ADAMTSL1: variants seen among roughly 807,000 people sequenced by gnomAD.
The protein encoded by ADAMTSL1 is ADAMTS-like protein 1.
ADAMTSL1 carries 126 observed loss-of-function variants against 201.8 expected under a neutral mutation model. That is an observed-to-expected ratio of 0.62 (90% CI 0.54 to 0.72). ADAMTSL1 has a LOEUF of 0.72. Ranked by LOEUF, ADAMTSL1 falls within the 30% of genes least tolerant of loss-of-function variation. The pLI is 0.00. For synonymous variants in ADAMTSL1, 1,121 were observed against 903.4 expected (o/e 1.24, Z -4.32); for missense variants, 2,679 against 2,277.8 (o/e 1.18, Z -3.59).
intron 1 of ADAMTSL1, among the ~76,000 whole-genome samples, chr9:17,954,612 A>G (rs1194477968): frequency 6.6e-6 from 1 of 152,196 alleles, no homozygotes; most frequent in Admixed American, 6.5e-5. Flanking sequence ...TTGGTGAGGC[A>G]TGGAAGGAAT....
At chr9:18,641,378 CACA>C (rs1827425428) in intron 7 of ADAMTSL1, among the ~76,000 whole-genome samples, 2 of 152,188 alleles carry the variant, frequency 1.3e-5, no homozygotes, top group South Asian at 4.1e-4. Context: ...ATTTTTGCCA[CACA>C]ACAATTGTTT....
chr9:18,168,534 A>G (rs1827739032), intron 2 of ADAMTSL1, among the ~76,000 whole-genome samples: 2 of 151,788 alleles, frequency 1.3e-5, no homozygotes, highest in Admixed American at 6.6e-5. Context: ...ATTGTTGGAC[A>G]TTTGGGTTGG....
chr9:18,630,864 C>G (rs1434936333), intron 5 of ADAMTSL1, among the ~76,000 whole-genome samples: 1 of 152,154 alleles, frequency 6.6e-6, no homozygotes, highest in Non-Finnish European at 1.5e-5. Flanking sequence ...CAGTTAAGCA[C>G]CTGTAATTCT....
At chr9:18,785,864 C>T (rs1308746721) in intron 19 of ADAMTSL1, among the ~76,000 whole-genome samples, 5 of 152,200 alleles carry the variant, frequency 3.3e-5, no homozygotes, top group African/African-American at 1.2e-4. Context: ...AAAATTGGCA[C>T]TGCACATTGG....
At chr9:18,489,014 A>C (rs1822134491) in intron 1 of ADAMTSL1, among the ~76,000 whole-genome samples, 1 of 152,180 alleles carries the variant, frequency 6.6e-6, no homozygotes, top group African/African-American at 2.4e-5. Flanking sequence ...CTTCTGCATA[A>C]AAATCACCTC....
At chr9:18,775,429 A>G (rs1820918726) in intron 17 of ADAMTSL1, among the ~76,000 whole-genome samples, 1 of 152,226 alleles carries the variant, frequency 6.6e-6, no homozygotes, top group Non-Finnish European at 1.5e-5. Context: ...AGAGAATTTA[A>G]GTAACTTGCC....
intron 2 of ADAMTSL1, among the ~76,000 whole-genome samples, chr9:18,450,197 G>A (rs1820350418): frequency 6.6e-6 from 1 of 152,144 alleles, no homozygotes; most frequent in Admixed American, 6.6e-5. Context: ...GTGATAAAAA[G>A]TGGAGCTGGC....
At chr9:18,535,553 C>T (rs1450748210) in intron 3 of ADAMTSL1, among the ~76,000 whole-genome samples, 4 of 152,184 alleles carry the variant, frequency 2.6e-5, no homozygotes, top group African/African-American at 7.2e-5. Flanking sequence ...TTTCAAGTAT[C>T]CTTATAGCAG....
At chr9:18,029,437 A>G (rs1004231644) in intron 1 of ADAMTSL1, among the ~76,000 whole-genome samples, 6 of 152,210 alleles carry the variant, frequency 3.9e-5, no homozygotes, top group African/African-American at 1.2e-4. Flanking sequence ...CTAAAACCAT[A>G]AAAACCCTAG....
chr9:18,076,397 C>A (rs1823226764), intron 1 of ADAMTSL1, among the ~76,000 whole-genome samples: 1 of 152,152 alleles, frequency 6.6e-6, no homozygotes, highest in African/African-American at 2.4e-5. Context: ...ATTTAAGACA[C>A]TTAAAACTTG....
At chr9:18,063,222 G>C (rs1199455037) in intron 1 of ADAMTSL1, among the ~76,000 whole-genome samples, 1 of 152,118 alleles carries the variant, frequency 6.6e-6, no homozygotes. Context: ...GGTGGTGTCT[G>C]CCTATAGTTT....
At chr9:18,192,705 A>C (rs984501575) in intron 2 of ADAMTSL1, among the ~76,000 whole-genome samples, 9 of 152,122 alleles carry the variant, frequency 5.9e-5, no homozygotes, top group African/African-American at 1.9e-4. Flanking sequence ...CTCAAAAAAC[A>C]TTTACAGTAC....
intron 2 of ADAMTSL1, among the ~76,000 whole-genome samples, chr9:18,212,054 A>T (rs551737252): frequency 5.9e-5 from 9 of 152,332 alleles, no homozygotes; most frequent in African/African-American, 2.2e-4. Flanking sequence ...AGCAGTTAAG[A>T]GAAGAAACAA....
chr9:18,298,128 A>C (rs932669345), intron 2 of ADAMTSL1, among the ~76,000 whole-genome samples: 8 of 152,208 alleles, frequency 5.3e-5, no homozygotes, highest in Non-Finnish European at 1.5e-5. Flanking sequence ...GGAAAAGTAA[A>C]GAGACAGAAT....
intron 2 of ADAMTSL1, among the ~76,000 whole-genome samples, chr9:18,522,227 C>T: frequency 6.6e-6 from 1 of 152,096 alleles, no homozygotes; most frequent in East Asian, 1.9e-4. Context: ...TCATCCCTAA[C>T]CCATACCTCA....
intron 1 of ADAMTSL1, among the ~76,000 whole-genome samples, chr9:18,052,554 C>A (rs1821985572): frequency 6.6e-6 from 1 of 152,152 alleles, no homozygotes; most frequent in African/African-American, 2.4e-5. Flanking sequence ...TGCTTGGCAG[C>A]TCTGTGCCTC....
At chr9:18,551,707 G>T (rs142351770) in intron 3 of ADAMTSL1, among the ~76,000 whole-genome samples, 1 of 151,768 alleles carries the variant, frequency 6.6e-6, no homozygotes, top group Non-Finnish European at 1.5e-5. Context: ...GCAAAATGAG[G>T]CACATAGGGT....
intron 15 of ADAMTSL1, among the ~76,000 whole-genome samples, chr9:18,740,561 C>G (rs576856687): frequency 6.7e-6 from 1 of 148,710 alleles, no homozygotes; most frequent in African/African-American, 2.5e-5. Context: ...ATTGCAGCCT[C>G]CACCTCCCCG....
At chr9:18,362,533 T>C (rs7027912) in intron 2 of ADAMTSL1, among the ~76,000 whole-genome samples, 1 of 152,220 alleles carries the variant, frequency 6.6e-6, no homozygotes, top group South Asian at 2.1e-4. Context: ...TGTGTTCTAG[T>C]TCTTAAGGAG....
Sources: allele counts gnomAD v4.1 joint callset (sites outside exome capture counted in the v4.1 genomes callset), GRCh38; gene constraint gnomAD v4.1.1; transcripts MANE v1.5; gene names NCBI Gene and HGNC (gene_info 2026-07-23, HGNC 2026-07-21).